NCAPD3: variants seen among roughly 807,000 people sequenced by gnomAD.
The protein encoded by NCAPD3 is non-SMC condensin II complex subunit D3, also known as condensin-2 complex subunit D3.
NCAPD3 carries 105 observed loss-of-function variants against 182.9 expected under a neutral mutation model. That is an observed-to-expected ratio of 0.57 (90% CI 0.49 to 0.68). The LOEUF is 0.68. Among genes scored for constraint, NCAPD3 ranks in the 30% least tolerant of loss-of-function variants. The probability of loss-of-function intolerance (pLI) is 0.00; values close to 1 mark genes in which losing one functional copy is unlikely to be tolerated. For missense variants in NCAPD3, 1,944 were observed against 1,837.0 expected, an observed-to-expected ratio of 1.06 and a Z score of -1.07; for synonymous variants, 815 against 679.9, an observed-to-expected ratio of 1.20 and a Z score of -3.09.
intron 27 of NCAPD3, among the ~76,000 whole-genome samples, chr11:134,167,648 TGGG>T (rs1217775561): frequency 5.0e-5 from 5 of 99,478 alleles, no homozygotes; most frequent in South Asian, 3.7e-4. Flanking sequence ...GAGATGAGCT[TGGG>T]GGAGCAGCAC....
chr11:134,175,835 G>A (rs561981154), intron 24 of NCAPD3, among the ~76,000 whole-genome samples: 4 of 152,236 alleles, frequency 2.6e-5, no homozygotes, highest in African/African-American at 9.6e-5. Context: ...CCATTTCCAA[G>A]GAGTCTTGTC....
Position 134,203,867 on chromosome 11 carries a change from G to T in NCAPD3, c.1255C>A (p.Leu419Met). 2 of 1,614,096 alleles carry T rather than the reference G, an allele frequency of 1.2e-6. No individual in the cohort carries two copies. Among genetic ancestry groups the T allele is most frequent in the South Asian group, 2.2e-5 (2 of 91,074 alleles). ...RVFTLDVVLA[L>M]LELPEREVDN... ...ACCTCTCTTTCAGGCAGTTCTAACA[G>T]AGCTAAGACAACATCAAGAGTAAAA... Residue 419 changes from leucine to methionine, a missense_variant, in exon 11 of 35, where the codon CTG becomes ATG. Leu to Met is a conservative substitution (Grantham distance 15, BLOSUM62 2). This residue lies in a region of NCAPD3 where 1,803 missense variants were observed against 1,674.6 expected (regional missense o/e 1.08). Coordinates refer to ENST00000534548, the MANE Select transcript of NCAPD3 (RefSeq NM_015261.3).
intron 19 of NCAPD3, among the ~76,000 whole-genome samples, chr11:134,182,785 C>T (rs577931112): frequency 1.3e-5 from 2 of 152,350 alleles, no homozygotes; most frequent in East Asian, 3.9e-4. Flanking sequence ...TAATCTGTTG[C>T]TCTCAGTAAA....
chr11:134,199,132 C>T (rs1307300276), intron 13 of NCAPD3, among the ~76,000 whole-genome samples: 2 of 151,918 alleles, frequency 1.3e-5, no homozygotes, highest in Non-Finnish European at 2.9e-5. Flanking sequence ...AATAGCCAAA[C>T]TAATTTTAAA....
At position 134,160,088 on chromosome 11, in the gene NCAPD3, AG is replaced by A. The variant is rs1943535328; in HGVS notation, c.3685-15del. On this transcript the variant is annotated splice_polypyrimidine_tract_variant and intron_variant, in intron 28 of 34. Coordinates refer to ENST00000534548, the MANE Select transcript of NCAPD3 (RefSeq NM_015261.3). ...CTGCATCACCTCCTGAAACAGAGCCAGGAGCATCCTTTCATGTTTTCTTGAA... is the reference window on the plus strand; with the variant it reads ...CTGCATCACCTCCTGAAACAGAGCCAGAGCATCCTTTCATGTTTTCTTGAA... The A allele has an allele frequency of 1.2e-6, 2 of 1,611,684 alleles. No individual in the cohort carries two copies. The highest frequency in any genetic ancestry group is 2.7e-5 in the African/African-American group (2 of 74,852).
chr11:134,177,473 G>A lies in NCAPD3; in HGVS notation c.2783-16C>T. The stretch of plus-strand genomic sequence containing the variant: ...CACAGCTTACCTGGCACAGAAGACA[G>A]GAAGATGTCTCAACTGTATTCTAAA... On this transcript the variant is annotated splice_polypyrimidine_tract_variant and intron_variant, in intron 22 of 34. Coordinates refer to ENST00000534548, the MANE Select transcript of NCAPD3 (RefSeq NM_015261.3). 6.3e-7 allele frequency: 1 copy of A among 1,599,048 alleles called. No homozygotes were observed. Among genetic ancestry groups the A allele is most frequent in the Non-Finnish European group, 8.6e-7 (1 of 1,167,308 alleles).
At chr11:134,212,375 T>TTGTGTGTG (rs56807520) in intron 3 of NCAPD3, among the ~76,000 whole-genome samples, 14,891 of 143,168 alleles carry the variant, frequency 0.1, 792 homozygotes, top group Admixed American at 0.12. Context: ...TTTTGTTGTT[T>TTGTGTGTG]TGTGTGTGTG....
intron 24 of NCAPD3, among the ~76,000 whole-genome samples, chr11:134,171,697 TTGC>T (rs1250486277): frequency 4.6e-5 from 7 of 152,180 alleles, no homozygotes; most frequent in African/African-American, 1.7e-4. Flanking sequence ...CATCCCTGCA[TTGC>T]TGCTTCCTTC....
rs536745728 is a variant in NCAPD3 at position 134,176,988 on chromosome 11, C to T, written c.3021+231G>A. 7.9e-5 allele frequency among the ~76,000 whole-genome samples: 12 copies of T among 152,352 alleles called. No homozygotes were observed. The South Asian group carries it at 2.3e-3, about 29-fold the overall frequency. ...CATGGTACTTATTTTCAAAATGAAA[C>T]TTCTCACTGCTTGACAGGATGTCTG... On this transcript the variant is annotated intron_variant, in intron 23 of 34. Coordinates refer to ENST00000534548, the MANE Select transcript of NCAPD3 (RefSeq NM_015261.3).
At chr11:134,222,956 A>C (rs1938289982) in intron 1 of NCAPD3, 1 of 159,596 alleles carries the variant, frequency 6.3e-6, no homozygotes, top group South Asian at 1.8e-4. Context: ...GACAGATCAG[A>C]AAACAGGGGT....
intron 20 of NCAPD3, among the ~76,000 whole-genome samples, 177 bp downstream of exon 20, chr11:134,180,900 G>A (rs934774313): frequency 1.3e-5 from 2 of 151,752 alleles, no homozygotes; most frequent in African/African-American, 4.8e-5. Context: ...AAGTATATAA[G>A]AAAAAAATGA....
intron 27 of NCAPD3, among the ~76,000 whole-genome samples, chr11:134,166,426 G>A (rs1386313441): frequency 1.2e-4 from 1 of 8,216 alleles, no homozygotes; most frequent in Non-Finnish European, 2.2e-4. Flanking sequence ...CTTGGGGGAG[G>A]GGCACACTCA....
At chr11:134,169,189 T>G in intron 24 of NCAPD3, 135 bp from the exon 25 acceptor site, 1 of 783,386 alleles carries the variant, frequency 1.3e-6, no homozygotes, top group Non-Finnish European at 1.8e-6. Context: ...CAATAAACAG[T>G]TCCCTCGGAT....
intron 3 of NCAPD3, 58 bp from the exon 4 acceptor site, chr11:134,210,512 A>G (rs920302190): frequency 2.1e-6 from 3 of 1,433,316 alleles, no homozygotes; most frequent in Non-Finnish European, 2.9e-6. Flanking sequence ...AAATATATCT[A>G]TAACATCAGA....
rs768208893 is a variant in NCAPD3 at position 134,159,958 on chromosome 11, C to A, written c.3801G>T (p.Gln1267His). 6.2e-7 allele frequency: 1 copy of A among 1,614,086 alleles called. No homozygotes were observed. The highest frequency in any genetic ancestry group is 1.1e-5 in the South Asian group (1 of 91,084). The change falls in exon 29 of 35, where the codon CAG becomes CAT. Residue 1267 changes from glutamine to histidine, a missense_variant. By Grantham distance (24) the Gln-to-His change is conservative (BLOSUM62 0). This residue lies in a region of NCAPD3 where 1,803 missense variants were observed against 1,674.6 expected (regional missense o/e 1.08). Transcript: ENST00000534548. ...KKYQEQLVQE[Q>H]ELAKHADVAG... Reference sequence around the variant, plus strand: ...CCACATCTGCATGTTTTGCTAGCTCCTGCTCCTGGACCAGCTGTTCCTGGT... The same window carrying A: ...CCACATCTGCATGTTTTGCTAGCTCATGCTCCTGGACCAGCTGTTCCTGGT...
chr11:134,152,857 G>T lies in NCAPD3; in HGVS notation c.*87C>A. On this transcript the variant is annotated 3_prime_UTR_variant, in exon 35 of 35. Transcript: ENST00000534548. ...GCAAAGCGCTGCCCAAGGACTGCGGGAAGTGATCCAGCTGCCTTCACACGG... is the reference window on the plus strand; with the variant it reads ...GCAAAGCGCTGCCCAAGGACTGCGGTAAGTGATCCAGCTGCCTTCACACGG... 9.2e-7 allele frequency: 1 copy of T among 1,091,120 alleles called. No homozygotes were observed. The allele number at this position is 1,091,120 out of a possible 1,614,324, so 67.6% of individuals were successfully genotyped here.
intron 8 of NCAPD3, 36 bp downstream of exon 8, chr11:134,206,563 C>A: frequency 6.2e-7 from 1 of 1,611,530 alleles, no homozygotes; most frequent in Non-Finnish European, 8.5e-7. Context: ...CTGAGGGAGA[C>A]TGACAGGGTG....
chr11:134,157,184 C>G (rs932327132), intron 31 of NCAPD3, 89 bp from the exon 32 acceptor site: 3 of 1,022,506 alleles, frequency 2.9e-6, no homozygotes, highest in African/African-American at 1.6e-5. Context: ...ATCTGCAAGA[C>G]GTAAAGTCAA....
In NCAPD3 at chr11:134,157,022, G is replaced by A. The variant is rs202009125; in HGVS notation, c.4248C>T (p.Pro1416=). 1.2e-5 allele frequency: 19 copies of A among 1,611,732 alleles called. No homozygotes were observed. The highest frequency in any genetic ancestry group is 3.3e-5 in the South Asian group (3 of 90,928). Reference sequence around the variant, plus strand: ...GTGTTCCGATCAGTTACTCACTCTCGGGGGTGCTGATGGCCCGCTTGGTCA... The same window carrying A: ...GTGTTCCGATCAGTTACTCACTCTCAGGGGTGCTGATGGCCCGCTTGGTCA... ...EHVTKRAIST[P]EKSISDVTFG... is the part of the protein sequence containing the mutation. The change falls in exon 32 of 35, where the codon CCC becomes CCT. Residue 1416 remains proline, a synonymous_variant. Coordinates refer to ENST00000534548, the MANE Select transcript of NCAPD3 (RefSeq NM_015261.3).
Sources: allele counts gnomAD v4.1 joint callset (sites outside exome capture counted in the v4.1 genomes callset), GRCh38; gene constraint gnomAD v4.1.1; regional missense constraint gnomAD v4.1.1; transcripts MANE v1.5; gene names NCBI Gene and HGNC (gene_info 2026-07-23, HGNC 2026-07-21).